The following EBF2 variants were observed in gnomAD, a reference collection of about 807,000 sequenced individuals.
EBF2 encodes the protein transcription factor COE2.
EBF2 carries 21 observed loss-of-function variants against 72.8 expected under a neutral mutation model. That is an observed-to-expected ratio of 0.29 (90% CI 0.20 to 0.42). The LOEUF (loss-of-function observed/expected upper bound fraction) is 0.42, where lower values mean the gene tolerates loss of function less well. EBF2 is among the 10% of genes least tolerant of loss of function. The pLI is 1.00. For synonymous variants in EBF2, 299 were observed against 274.2 expected (o/e 1.09, Z -0.89); for missense variants, 637 against 731.2 (o/e 0.87, Z 1.49).
chr8:26,023,675 A>G (rs1043828906), intron 6 of EBF2, among the ~76,000 whole-genome samples: 5 of 152,222 alleles, frequency 3.3e-5, no homozygotes, highest in African/African-American at 1.2e-4. Flanking sequence ...GCCAGATGGT[A>G]TAACAGCAGT....
chr8:25,852,949 A>G (rs183536638), intron 14 of EBF2, among the ~76,000 whole-genome samples: 316 of 152,354 alleles, frequency 2.1e-3, no homozygotes, highest in Non-Finnish European at 3.6e-3. Context: ...GTGCTAGCAC[A>G]GAAATAGGCA....
At chr8:26,040,719 G>A (rs200424093) in intron 3 of EBF2, 48 bp from the exon 4 acceptor site, 64 of 1,547,130 alleles carry the variant, frequency 4.1e-5, no homozygotes, top group Non-Finnish European at 5.1e-5. Flanking sequence ...AGCCCCTTCC[G>A]GGCACCCCAA....
At chr8:25,954,123 CAT>C (rs1040369292) in intron 6 of EBF2, among the ~76,000 whole-genome samples, 1 of 152,176 alleles carries the variant, frequency 6.6e-6, no homozygotes, top group African/African-American at 2.4e-5. Flanking sequence ...ATTATAAGAA[CAT>C]ATGTTAGCTC....
At chr8:26,022,177 C>T (rs1445305542) in intron 6 of EBF2, among the ~76,000 whole-genome samples, 3 of 152,142 alleles carry the variant, frequency 2.0e-5, no homozygotes, top group African/African-American at 7.2e-5. Flanking sequence ...CTTGCAGAGA[C>T]CACCTCGATT....
intron 6 of EBF2, among the ~76,000 whole-genome samples, chr8:25,917,193 T>C (rs1370949345): frequency 8.6e-6 from 1 of 115,644 alleles, no homozygotes; most frequent in Non-Finnish European, 1.8e-5. Context: ...GTGTTTGTGG[T>C]TTGGGGTTTT....
intron 6 of EBF2, among the ~76,000 whole-genome samples, chr8:26,017,322 C>A (rs1805127485): frequency 6.6e-6 from 1 of 152,094 alleles, no homozygotes; most frequent in Non-Finnish European, 1.5e-5. Flanking sequence ...AGAAAGAGAG[C>A]AGCCTTACAG....
chr8:26,034,887 T>C (rs1427568878), intron 5 of EBF2, among the ~76,000 whole-genome samples: 2 of 152,244 alleles, frequency 1.3e-5, no homozygotes, highest in African/African-American at 2.4e-5. Context: ...GAACTGGGAA[T>C]CAGCGTTCTG....
intron 6 of EBF2, among the ~76,000 whole-genome samples, chr8:25,990,220 C>T (rs1804523358): frequency 6.7e-6 from 1 of 150,300 alleles, no homozygotes; most frequent in African/African-American, 2.5e-5. Flanking sequence ...CACACACACA[C>T]ATAAAATCAA....
At chr8:25,974,028 A>G (rs1804229926) in intron 6 of EBF2, among the ~76,000 whole-genome samples, 1 of 152,226 alleles carries the variant, frequency 6.6e-6, no homozygotes, top group Non-Finnish European at 1.5e-5. Flanking sequence ...GCTCATTTCC[A>G]GAAAATGTGA....
At chr8:26,012,606 T>C (rs1312936923) in intron 6 of EBF2, among the ~76,000 whole-genome samples, 2 of 152,246 alleles carry the variant, frequency 1.3e-5, no homozygotes, top group Non-Finnish European at 2.9e-5. Flanking sequence ...TGTGCAGAGA[T>C]GGGCAGATAA....
intron 6 of EBF2, among the ~76,000 whole-genome samples, chr8:26,013,007 G>C (rs1805051487): frequency 1.3e-5 from 2 of 152,186 alleles, no homozygotes; most frequent in Non-Finnish European, 2.9e-5. Context: ...TGGAAATATA[G>C]ACAATCAACA....
At chr8:25,992,597 A>G (rs1358858301) in intron 6 of EBF2, among the ~76,000 whole-genome samples, 1 of 152,068 alleles carries the variant, frequency 6.6e-6, no homozygotes, top group Non-Finnish European at 1.5e-5. Context: ...ACTTCTTTAA[A>G]TCAAAAATTT....
chr8:25,850,858 C>T (rs940845288), intron 14 of EBF2, 97 bp from the exon 15 acceptor site: 2 of 1,373,052 alleles, frequency 1.5e-6, no homozygotes, highest in Non-Finnish European at 1.9e-6. Context: ...AATTTCCATG[C>T]ATTGTTCCAG....
intron 7 of EBF2, among the ~76,000 whole-genome samples, chr8:25,894,951 A>T (rs1802843014): frequency 6.6e-6 from 1 of 152,210 alleles, no homozygotes; most frequent in South Asian, 2.1e-4. Flanking sequence ...TCTATGCCTC[A>T]TCGTCTCCTG....
At chr8:26,001,720 G>A (rs770312523) in intron 6 of EBF2, among the ~76,000 whole-genome samples, 1 of 151,726 alleles carries the variant, frequency 6.6e-6, no homozygotes, top group African/African-American at 2.4e-5. Context: ...AGCTAATTTT[G>A]GTATTTTTAG....
At chr8:25,975,039 T>C (rs974920817) in intron 6 of EBF2, among the ~76,000 whole-genome samples, 4 of 152,136 alleles carry the variant, frequency 2.6e-5, no homozygotes, top group Non-Finnish European at 5.9e-5. Flanking sequence ...AAGAGATTAA[T>C]CAGAGACCAC....
chr8:26,016,423 C>A (rs749610624), intron 6 of EBF2, among the ~76,000 whole-genome samples: 2 of 152,198 alleles, frequency 1.3e-5, no homozygotes, highest in Non-Finnish European at 2.9e-5. Flanking sequence ...TTTATTCACA[C>A]ATTCATTCGT....
chr8:26,040,046 G>A lies in EBF2; in HGVS notation c.464C>T (p.Thr155Met), dbSNP rs746363034. 1 of 1,614,020 alleles carries A rather than the reference G, an allele frequency of 6.2e-7. No individual in the cohort carries two copies. Among genetic ancestry groups the A allele is most frequent in the Non-Finnish European group, 8.5e-7 (1 of 1,179,928 alleles). ...KNPEMCRVLLTHEVMCSRCCE... is the reference protein window; with the variant it reads ...KNPEMCRVLLMHEVMCSRCCE... ...CTCTTACCTACACATCACTTCGTGCGTCAGGAGAACTCGGCACATTTCCGG... is the reference window on the plus strand; with the variant it reads ...CTCTTACCTACACATCACTTCGTGCATCAGGAGAACTCGGCACATTTCCGG... Residue 155 changes from threonine to methionine, a missense_variant, in exon 5 of 16, where the codon ACG becomes ATG. By Grantham distance (81) the Thr-to-Met change is moderately conservative (BLOSUM62 -1). Coordinates refer to ENST00000520164, the MANE Select transcript of EBF2 (RefSeq NM_022659.4).
At chr8:25,901,356 A>G (rs1217319890) in intron 7 of EBF2, among the ~76,000 whole-genome samples, 1 of 150,760 alleles carries the variant, frequency 6.6e-6, no homozygotes, top group African/African-American at 2.4e-5. Flanking sequence ...GGAGAGGCAG[A>G]GGTTGCAGTG....
Sources: allele counts gnomAD v4.1 joint callset (sites outside exome capture counted in the v4.1 genomes callset), GRCh38; gene constraint gnomAD v4.1.1; transcripts MANE v1.5; gene names NCBI Gene and HGNC (gene_info 2026-07-23, HGNC 2026-07-21).